The following AGBL4 variants were observed in gnomAD, a reference collection of about 807,000 sequenced individuals.
The protein encoded by AGBL4 is AGBL carboxypeptidase 4, also known as cytosolic carboxypeptidase 6.
Under a neutral mutation model 66.4 loss-of-function variants are expected in AGBL4, and 58 were observed. That is an observed-to-expected ratio of 0.87 (90% confidence interval 0.71 to 1.09). The LOEUF is 1.09. Among genes scored for constraint, AGBL4 ranks in the 50% least tolerant of loss-of-function variants. AGBL4 has a pLI of 0.00. For synonymous variants in AGBL4, 234 were observed against 222.9 expected, an observed-to-expected ratio of 1.05 and a Z score of -0.44; for missense variants, 579 against 631.0, an observed-to-expected ratio of 0.92 and a Z score of 0.88.
At chr1:48,634,719 T>A in intron 8 of AGBL4, 115 bp from the exon 9 acceptor site, 1 of 674,968 alleles carries the variant, frequency 1.5e-6, no homozygotes, top group South Asian at 2.3e-5. Context: ...GCATTTATCA[T>A]TTTCCAGAGA....
intron 4 of AGBL4, among the ~76,000 whole-genome samples, chr1:49,129,621 T>C (rs1177401683): frequency 6.6e-6 from 1 of 152,056 alleles, no homozygotes; most frequent in African/African-American, 2.4e-5. Flanking sequence ...ATTTCATCCA[T>C]GTCCCTACAA....
chr1:49,296,708 T>C (rs1304221012), intron 3 of AGBL4, among the ~76,000 whole-genome samples: 1 of 152,172 alleles, frequency 6.6e-6, no homozygotes, highest in Non-Finnish European at 1.5e-5. Flanking sequence ...AGAAATTGAA[T>C]TGAGTTCTTT....
intron 9 of AGBL4, among the ~76,000 whole-genome samples, chr1:48,594,941 A>G (rs748440869): frequency 6.6e-6 from 1 of 152,126 alleles, no homozygotes; most frequent in Non-Finnish European, 1.5e-5. Flanking sequence ...AGAAGAAAGA[A>G]GCCTATATCC....
At chr1:49,225,921 G>C (rs1171383754) in intron 4 of AGBL4, among the ~76,000 whole-genome samples, 1 of 152,198 alleles carries the variant, frequency 6.6e-6, no homozygotes, top group African/African-American at 2.4e-5. Flanking sequence ...ATTCACATCA[G>C]TACAGGATTT....
intron 5 of AGBL4, among the ~76,000 whole-genome samples, chr1:48,990,193 T>C (rs1660499461): frequency 6.6e-6 from 1 of 152,220 alleles, no homozygotes; most frequent in South Asian, 2.1e-4. Context: ...TTGAGAAATG[T>C]CTAGTCAAAT....
At chr1:49,184,776 A>T (rs1003514145) in intron 4 of AGBL4, among the ~76,000 whole-genome samples, 12 of 152,214 alleles carry the variant, frequency 7.9e-5, no homozygotes, top group Admixed American at 7.2e-4. Flanking sequence ...CAGGCACAAG[A>T]GGCTCTGCCA....
At chr1:48,594,351 T>C (rs1644964203) in intron 9 of AGBL4, among the ~76,000 whole-genome samples, 1 of 152,090 alleles carries the variant, frequency 6.6e-6, no homozygotes, top group African/African-American at 2.4e-5. Flanking sequence ...AATAATAAAA[T>C]AAATCAATAA....
chr1:49,229,935 A>T (rs1442954122), intron 4 of AGBL4, among the ~76,000 whole-genome samples: 2 of 151,998 alleles, frequency 1.3e-5, no homozygotes, highest in Admixed American at 6.6e-5. Context: ...ACCTTATCTA[A>T]CTTAATCTAC....
chr1:48,779,626 A>G (rs1645240467), intron 6 of AGBL4, among the ~76,000 whole-genome samples: 1 of 152,140 alleles, frequency 6.6e-6, no homozygotes, highest in South Asian at 2.1e-4. Flanking sequence ...TTTATAAAAC[A>G]AATGTATTAA....
chr1:49,161,109 A>C (rs1179655381), intron 4 of AGBL4, among the ~76,000 whole-genome samples: 1 of 151,352 alleles, frequency 6.6e-6, no homozygotes, highest in Non-Finnish European at 1.5e-5. Context: ...GAAAAAAAAA[A>C]CTCCTGTAGC....
chr1:49,692,124 A>C (rs1646900163), intron 3 of AGBL4, among the ~76,000 whole-genome samples: 1 of 152,162 alleles, frequency 6.6e-6, no homozygotes, highest in Non-Finnish European at 1.5e-5. Context: ...GTGGGGACAC[A>C]GCCAAACCAT....
At chr1:49,116,981 G>A (rs190746437) in intron 4 of AGBL4, among the ~76,000 whole-genome samples, 35 of 152,006 alleles carry the variant, frequency 2.3e-4, no homozygotes, top group African/African-American at 8.2e-4. Context: ...GTGATGATGA[G>A]CATTTTTTCA....
chr1:49,886,824 C>G (rs12121770), intron 1 of AGBL4, among the ~76,000 whole-genome samples: 1 of 152,070 alleles, frequency 6.6e-6, no homozygotes, highest in African/African-American at 2.4e-5. Context: ...TAGACTTGCA[C>G]TTCTAAATGA....
intron 6 of AGBL4, among the ~76,000 whole-genome samples, chr1:48,733,664 C>T (rs1169030474): frequency 6.6e-6 from 1 of 152,180 alleles, no homozygotes; most frequent in African/African-American, 2.4e-5. Context: ...CATTGCTGCA[C>T]TGCTACAATC....
At chr1:48,583,037 T>C (rs954983467) in intron 11 of AGBL4, among the ~76,000 whole-genome samples, 1 of 152,168 alleles carries the variant, frequency 6.6e-6, no homozygotes, top group Admixed American at 6.5e-5. Flanking sequence ...CTAATTAGTC[T>C]GGCCTCCATG....
chr1:49,955,997 A>G lies in AGBL4; in HGVS notation c.34+67766T>C, dbSNP rs951520151. Among the ~76,000 whole-genome samples, 12 of 152,040 alleles carry G rather than the reference A, an allele frequency of 7.9e-5. No individual in the cohort carries two copies. In the East Asian group the frequency reaches 2.1e-3, roughly 27 times the overall value. On this transcript the variant is annotated intron_variant, in intron 1 of 13. Transcript: ENST00000371839. ...TTAGGAAAATGGATTCAGCAAATGT[A>G]TATTTTATATAATTTACTGTGTAGT...
chr1:49,438,759 A>G (rs1645960422), intron 3 of AGBL4, among the ~76,000 whole-genome samples: 1 of 152,212 alleles, frequency 6.6e-6, no homozygotes, highest in African/African-American at 2.4e-5. Flanking sequence ...ATAGAAAGTA[A>G]TAAGAGGAGA....
At chr1:49,196,080 T>C (rs946313169) in intron 4 of AGBL4, among the ~76,000 whole-genome samples, 4 of 152,186 alleles carry the variant, frequency 2.6e-5, no homozygotes, top group Admixed American at 6.6e-5. Context: ...CTCATCCATA[T>C]GGAACTGTGA....
intron 5 of AGBL4, among the ~76,000 whole-genome samples, chr1:49,043,307 A>G (rs907986008): frequency 6.6e-6 from 1 of 152,102 alleles, no homozygotes; most frequent in Non-Finnish European, 1.5e-5. Flanking sequence ...GTTGGCCAAT[A>G]TGGACTCCTA....
Sources: gnomAD v4.1 joint callset for allele counts (sites outside exome capture counted in the v4.1 genomes callset) on GRCh38, gnomAD v4.1.1 for gene constraint, MANE v1.5 for transcripts, NCBI Gene and HGNC (gene_info 2026-07-23, HGNC 2026-07-21) for gene names.